PHC3: variants seen among roughly 807,000 people sequenced by gnomAD.
PHC3 encodes polyhomeotic-like protein 3.
PHC3 carries 13 observed loss-of-function variants against 107.4 expected under a neutral mutation model. The observed-to-expected ratio is 0.12, with a 90% confidence interval of 0.08 to 0.19. The LOEUF (loss-of-function observed/expected upper bound fraction) is 0.19. PHC3 is among the 10% of genes least tolerant of loss of function. PHC3 has a pLI of 1.00. For missense variants in PHC3, 992 were observed against 1,210.9 expected (o/e 0.82, Z 2.68); for synonymous variants, 456 against 427.4 (o/e 1.07, Z -0.83).
intron 4 of PHC3, among the ~76,000 whole-genome samples, chr3:170,163,503 T>TGA (rs1553809997): frequency 7.2e-6 from 1 of 138,676 alleles, no homozygotes; most frequent in African/African-American, 2.6e-5. Flanking sequence ...TGTGTGTGTG[T>TGA]GATGGCACTG....
intron 7 of PHC3, among the ~76,000 whole-genome samples, chr3:170,130,220 T>C (rs779345670): frequency 3.9e-5 from 6 of 152,166 alleles, no homozygotes; most frequent in Non-Finnish European, 4.4e-5. Context: ...AGTATCATCA[T>C]AGAACAAGTA....
chr3:170,133,651 T>C (rs146774294), intron 7 of PHC3, among the ~76,000 whole-genome samples: 13 of 152,220 alleles, frequency 8.5e-5, no homozygotes, highest in African/African-American at 2.6e-4. Flanking sequence ...TCAAGGAAAA[T>C]TGGAGTATAT....
At chr3:170,098,723 G>A (rs1228807750) in intron 14 of PHC3, among the ~76,000 whole-genome samples, 1 of 151,708 alleles carries the variant, frequency 6.6e-6, no homozygotes, top group Non-Finnish European at 1.5e-5. Flanking sequence ...CTTTTCTCAC[G>A]TCCTCTGTTA....
rs776203720 is a variant in PHC3, at chr3:170,129,019, C to G, written c.1453G>C (p.Ala485Pro). Residue 485 changes from alanine to proline, a missense_variant, in exon 8 of 15, where the codon GCC becomes CCC. This residue lies in a region of PHC3 where 543 missense variants were observed against 590.8 expected (regional missense o/e 0.92). Transcript: ENST00000495893. The stretch of plus-strand genomic sequence containing the variant: ...ATCTGCTGGCCTGGGGATACCAAGG[C>G]AGACTGCTGAACTGGGCCAATGTGT... ...VVHIGPVQQSALVSPGQQIVS... is the reference protein window; with the variant it reads ...VVHIGPVQQSPLVSPGQQIVS... 6 of 1,613,414 alleles carry G rather than the reference C, an allele frequency of 3.7e-6. No homozygotes were observed. The highest frequency in any genetic ancestry group is 8.5e-7 in the Non-Finnish European group (1 of 1,179,612).
intron 11 of PHC3, among the ~76,000 whole-genome samples, chr3:170,108,479 C>A (rs959190440): frequency 6.6e-6 from 1 of 152,116 alleles, no homozygotes. Context: ...TGAACTGACA[C>A]GTGACCAGTT....
intron 8 of PHC3, among the ~76,000 whole-genome samples, chr3:170,123,477 T>C (rs908411785): frequency 1.3e-5 from 2 of 151,986 alleles, no homozygotes; most frequent in Non-Finnish European, 2.9e-5. Flanking sequence ...TGTTATCCAA[T>C]TGTAAAGATT....
At chr3:170,123,810 A>G (rs974594380) in intron 8 of PHC3, among the ~76,000 whole-genome samples, 3 of 151,998 alleles carry the variant, frequency 2.0e-5, no homozygotes, top group Non-Finnish European at 4.4e-5. Flanking sequence ...AGAAAAAGGA[A>G]AATGGAATCG....
At chr3:170,157,636 C>G (rs1392332400) in intron 4 of PHC3, among the ~76,000 whole-genome samples, 4 of 152,106 alleles carry the variant, frequency 2.6e-5, no homozygotes, top group African/African-American at 4.8e-5. Context: ...GATGAGGACA[C>G]TAGCAGTAGA....
At chr3:170,147,740 A>C (rs769332705) in intron 5 of PHC3, 70 of 152,224 alleles carry the variant, frequency 4.6e-4, no homozygotes, top group Admixed American at 2.4e-3. Context: ...CCTGGCAACA[A>C]TCCACCACAG....
At chr3:170,119,395 TAATG>T (rs1347434866) in intron 9 of PHC3, among the ~76,000 whole-genome samples, 2 of 152,214 alleles carry the variant, frequency 1.3e-5, no homozygotes, top group Non-Finnish European at 2.9e-5. Context: ...GTTCAAGAAA[TAATG>T]CTTGCTGTAT....
chr3:170,106,305 T>C (rs1560025644), intron 12 of PHC3, among the ~76,000 whole-genome samples: 1 of 152,202 alleles, frequency 6.6e-6, no homozygotes, highest in Non-Finnish European at 1.5e-5. Context: ...TATTTTGCTG[T>C]CTGATAATGT....
rs1714748353 is a variant in PHC3, at chr3:170,097,299, A to G, written c.2919T>C (p.Ser973=). The G allele has an allele frequency of 6.2e-6, 10 of 1,613,508 alleles. No individual in the cohort carries two copies. The highest frequency in any genetic ancestry group is 7.6e-6 in the Non-Finnish European group (9 of 1,179,598). ...CTGGGCCTAGCTTGATATTCATTGC[A>G]CTCATGAGATGGTCTTCTTTCAGCA... ...LLLLKEDHLM[S]AMNIKLGPAL... The change falls in exon 15 of 15, where the codon AGT becomes AGC. Residue 973 remains serine (S), a synonymous_variant. Coordinates refer to ENST00000495893, the MANE Select transcript of PHC3 (RefSeq NM_024947.4). The surrounding 1 kb of genome is among the most constrained non-coding windows in gnomAD (Gnocchi z 4.1).
intron 8 of PHC3, among the ~76,000 whole-genome samples, chr3:170,125,431 A>G (rs539029440): frequency 6.6e-5 from 10 of 152,338 alleles, no homozygotes; most frequent in African/African-American, 2.2e-4. Flanking sequence ...AATTTTATCT[A>G]TGTAGCATTC....
chr3:170,127,358 G>C (rs981239043), intron 8 of PHC3, among the ~76,000 whole-genome samples: 3 of 151,964 alleles, frequency 2.0e-5, no homozygotes, highest in African/African-American at 4.8e-5. Context: ...GTGTAGACAG[G>C]GTTTCACCCT....
intron 6 of PHC3, among the ~76,000 whole-genome samples, chr3:170,138,279 C>CA (rs1417224609): frequency 6.6e-6 from 1 of 152,160 alleles, no homozygotes; most frequent in Non-Finnish European, 1.5e-5. Context: ...CTAAGCTACT[C>CA]AAAGAATTTT....
intron 7 of PHC3, 77 bp downstream of exon 7, chr3:170,136,342 C>G: frequency 6.4e-7 from 1 of 1,559,350 alleles, no homozygotes; most frequent in Non-Finnish European, 8.8e-7. Flanking sequence ...CTGTTCAAGT[C>G]ATGAACATCC....
chr3:170,164,498 T>A (rs1479903369), intron 4 of PHC3, among the ~76,000 whole-genome samples: 1 of 152,038 alleles, frequency 6.6e-6, no homozygotes, highest in Non-Finnish European at 1.5e-5. Context: ...ATAAGTAAAA[T>A]GACAAGAATT....
intron 5 of PHC3, among the ~76,000 whole-genome samples, chr3:170,146,872 T>C (rs1190335727): frequency 1.4e-5 from 2 of 147,242 alleles, no homozygotes; most frequent in African/African-American, 5.1e-5. Context: ...ATTAATCTAT[T>C]TTTTCTTTTT....
rs1560005691 is a variant in PHC3, at chr3:170,091,724, GA to G, written c.*5505del. ...AGTTTAGAAAAAGCCATATTCTCTG[GA>G]ATGTGATGGTAATAATTATATTTGT... On this transcript the variant is annotated 3_prime_UTR_variant, in exon 15 of 15. Transcript: ENST00000495893. 2.6e-5 allele frequency: 4 copies of G among 152,018 alleles called. No individual in the cohort carries two copies. The highest frequency in any genetic ancestry group is 7.2e-5 in the African/African-American group (3 of 41,390). 9.4% of individuals were successfully genotyped at this position (152,018 alleles called of 1,614,324 possible).
Sources: allele counts gnomAD v4.1 joint callset (sites outside exome capture counted in the v4.1 genomes callset), GRCh38; gene constraint gnomAD v4.1.1; regional missense constraint gnomAD v4.1.1; non-coding constraint Gnocchi (gnomAD v3.1); transcripts MANE v1.5; gene names NCBI Gene and HGNC (gene_info 2026-07-23, HGNC 2026-07-21).